The following CA10 variants were observed in gnomAD, a reference collection of about 807,000 sequenced individuals.
CA10 encodes carbonic anhydrase-related protein 10.
CA10 carries 14 observed loss-of-function variants against 44.2 expected under a neutral mutation model. The ratio of observed to expected loss-of-function variants is 0.32; its 90% CI spans 0.21 to 0.50. The LOEUF (loss-of-function observed/expected upper bound fraction) is 0.50. CA10 is among the 20% of genes least tolerant of loss of function. The pLI is 0.99. For synonymous variants in CA10, 159 were observed against 141.6 expected (o/e 1.12, Z -0.87); for missense variants, 350 against 409.7 (o/e 0.85, Z 1.26).
At chr17:52,012,934 A>G (rs1440410926) in intron 2 of CA10, among the ~76,000 whole-genome samples, 1 of 151,986 alleles carries the variant, frequency 6.6e-6, no homozygotes, top group East Asian at 1.9e-4. Flanking sequence ...AGTTAGGAAA[A>G]CTATTCCTAT....
chr17:51,817,606 C>T (rs1284762080), intron 3 of CA10, among the ~76,000 whole-genome samples: 2 of 152,162 alleles, frequency 1.3e-5, no homozygotes, highest in Admixed American at 6.6e-5. Flanking sequence ...CCTGTAGCCC[C>T]TTTGTCACTT....
At chr17:52,125,282 G>A (rs1989095085) in intron 1 of CA10, among the ~76,000 whole-genome samples, 1 of 152,192 alleles carries the variant, frequency 6.6e-6, no homozygotes, top group African/African-American at 2.4e-5. Context: ...CTACTGTAGT[G>A]TGAAGGATCC....
At chr17:51,800,801 G>A (rs1440944961) in intron 3 of CA10, among the ~76,000 whole-genome samples, 1 of 152,194 alleles carries the variant, frequency 6.6e-6, no homozygotes, top group East Asian at 1.9e-4. Context: ...ATTCAACTGA[G>A]TAGATCTTTC....
intron 2 of CA10, among the ~76,000 whole-genome samples, chr17:51,983,886 C>T (rs1984737751): frequency 2.0e-5 from 3 of 151,678 alleles, no homozygotes; most frequent in Admixed American, 2.0e-4. Flanking sequence ...GGAAGCTTGC[C>T]ATATAAAAAG....
chr17:51,989,703 AG>A (rs764985229), intron 2 of CA10, among the ~76,000 whole-genome samples: 1 of 152,118 alleles, frequency 6.6e-6, no homozygotes, highest in Non-Finnish European at 1.5e-5. Flanking sequence ...ACACAGGAAC[AG>A]AATCTGTTTC....
chr17:51,887,824 C>CTTTTGCTTTTATGAATTCAGT (rs1980677259), intron 3 of CA10, among the ~76,000 whole-genome samples: 1 of 149,844 alleles, frequency 6.7e-6, no homozygotes, highest in African/African-American at 2.5e-5. Flanking sequence ...ACCCCTAAAC[C>CTTTTGCTTTTATGAATTCAGT]CCTTCTCTAC....
chr17:52,134,385 T>C (rs1989304988), intron 1 of CA10, among the ~76,000 whole-genome samples: 1 of 152,206 alleles, frequency 6.6e-6, no homozygotes, highest in Non-Finnish European at 1.5e-5. Context: ...GTGCCAAACT[T>C]GGGTTCAAAG....
intron 3 of CA10, among the ~76,000 whole-genome samples, chr17:51,922,112 T>A (rs1982257368): frequency 6.6e-6 from 1 of 152,186 alleles, no homozygotes; most frequent in Non-Finnish European, 1.5e-5. Flanking sequence ...TAACTTGCAT[T>A]ATTACCTGCC....
intron 1 of CA10, among the ~76,000 whole-genome samples, chr17:52,113,390 G>GTT (rs1299834229): frequency 6.6e-6 from 1 of 151,966 alleles, no homozygotes; most frequent in Non-Finnish European, 1.5e-5. Flanking sequence ...AAAGGTCAGT[G>GTT]TTCTGAGTTC....
chr17:52,134,876 C>T (rs1409818006), intron 1 of CA10: 2 of 518,904 alleles, frequency 3.9e-6, no homozygotes, highest in Admixed American at 1.9e-5. Flanking sequence ...CCTTCTGACT[C>T]ACCATTCTCC....
At chr17:51,644,170 C>A (rs1464088020) in intron 6 of CA10, among the ~76,000 whole-genome samples, 1 of 85,968 alleles carries the variant, frequency 1.2e-5, no homozygotes, top group African/African-American at 3.6e-5. Flanking sequence ...GCACAGTTCC[C>A]CCCCTTTTTT....
rs199608195 is a variant in CA10, at chr17:51,974,386, TA to T, written c.137-43255del. Among the ~76,000 whole-genome samples, 30 of 40,266 alleles carry T rather than the reference TA, an allele frequency of 7.5e-4. 1 individual carries two copies. In the East Asian group the frequency reaches 0.022, roughly 29 times the overall value. 26.4% of individuals were successfully genotyped at this position (40,266 alleles called of 152,430 possible). A position where few individuals can be genotyped will look rare whatever the true frequency, so the allele number is the denominator to read the frequency against. ...CAACAGAGTGAGACTCCATCTCATT[TA>T]AAAAAAAAAAACAAAAACAAAAGGA... is the stretch of plus-strand genomic sequence containing the variant. On this transcript the variant is annotated intron_variant, in intron 2 of 8. Coordinates refer to ENST00000451037, the MANE Select transcript of CA10 (RefSeq NM_020178.5).
intron 7 of CA10, among the ~76,000 whole-genome samples, chr17:51,635,338 C>T (rs1912777721): frequency 6.6e-6 from 1 of 152,000 alleles, no homozygotes; most frequent in South Asian, 2.1e-4. Flanking sequence ...CATGATGAAA[C>T]CCCATCTCTA....
At chr17:51,825,961 G>A (rs1019298610) in intron 3 of CA10, among the ~76,000 whole-genome samples, 1 of 152,126 alleles carries the variant, frequency 6.6e-6, no homozygotes, top group Non-Finnish European at 1.5e-5. Flanking sequence ...GTACTTTATT[G>A]TTCTTTCACT....
chr17:51,860,215 A>G (rs1979240850), intron 3 of CA10, among the ~76,000 whole-genome samples: 1 of 152,164 alleles, frequency 6.6e-6, no homozygotes, highest in East Asian at 1.9e-4. Flanking sequence ...TAATTTTTAA[A>G]TGGCATATGC....
At chr17:51,735,229 C>T (rs535491355) in intron 4 of CA10, among the ~76,000 whole-genome samples, 2 of 152,136 alleles carry the variant, frequency 1.3e-5, no homozygotes, top group Non-Finnish European at 2.9e-5. Context: ...AGAACAGAAT[C>T]ATGTCTTTTG....
chr17:51,769,825 C>T (rs1242447207), intron 3 of CA10, among the ~76,000 whole-genome samples: 5 of 152,112 alleles, frequency 3.3e-5, no homozygotes, highest in African/African-American at 4.8e-5. Context: ...GAGAAGCCAA[C>T]GTGGTTGATG....
intron 4 of CA10, chr17:51,661,969 G>A (rs1259479674): frequency 6.6e-6 from 1 of 152,200 alleles, no homozygotes; most frequent in Non-Finnish European, 1.5e-5. Flanking sequence ...GAATGGGCGT[G>A]GCTGGGTTCC....
intron 2 of CA10, among the ~76,000 whole-genome samples, chr17:51,971,094 G>A (rs1451685673): frequency 6.6e-6 from 1 of 151,980 alleles, no homozygotes; most frequent in Non-Finnish European, 1.5e-5. Context: ...CTTTTGACTT[G>A]AATGGAATAT....
Sources: gnomAD v4.1 joint callset for allele counts (sites outside exome capture counted in the v4.1 genomes callset) on GRCh38, gnomAD v4.1.1 for gene constraint, MANE v1.5 for transcripts, NCBI Gene and HGNC (gene_info 2026-07-23, HGNC 2026-07-21) for gene names.